Variants in FAAP100 observed in about 807,000 individuals in gnomAD.
The protein encoded by FAAP100 is FA core complex associated protein 100, also known as Fanconi anemia core complex-associated protein 100.
In FAAP100, 46 loss-of-function variants were observed where a neutral mutation model predicts 65.8. That is an observed-to-expected ratio of 0.70 (90% CI 0.55 to 0.89). The LOEUF (loss-of-function observed/expected upper bound fraction) is 0.89, where lower values mean the gene tolerates loss of function less well. Ranked by LOEUF, FAAP100 falls within the 40% of genes least tolerant of loss-of-function variation. The pLI is 0.00. For missense variants in FAAP100, 1,165 were observed against 1,196.7 expected, an observed-to-expected ratio of 0.97 and a Z score of 0.39; for synonymous variants, 663 against 555.1, an observed-to-expected ratio of 1.19 and a Z score of -2.73.
Position 81,540,780 on chromosome 17 carries a change from C to G in FAAP100, c.*39G>C, listed in dbSNP as rs1317739082. 2.7e-6 allele frequency: 4 copies of G among 1,478,844 alleles called. No homozygotes were observed. The Admixed American group carries it at 6.6e-5, about 24-fold the overall frequency. 91.6% of individuals were successfully genotyped at this position (1,478,844 alleles called of 1,614,324 possible). ...AGGCCTGGGGGGGCTGTGACAGAGG[C>G]TGGAAGCGTGGCCAGAGCCCAGGGG... On this transcript the variant is annotated 3_prime_UTR_variant, in exon 9 of 9. Coordinates refer to ENST00000327787, the MANE Select transcript of FAAP100 (RefSeq NM_025161.6).
rs1485365031 is a variant in FAAP100, at chr17:81,549,317, G to T, written c.1292C>A (p.Thr431Asn). 2 of 1,612,496 alleles carry T rather than the reference G, an allele frequency of 1.2e-6. No individual in the cohort carries two copies. Among genetic ancestry groups the T allele is most frequent in the Middle Eastern group, 1.7e-4 (1 of 6,058 alleles). ...LALSAKGRLMTCSLDLDSEMP... is the reference protein window; with the variant it reads ...LALSAKGRLMNCSLDLDSEMP... ...CTCAGAGTCCAGGTCCAGGCTGCAG[G>T]TCATCAGGCGGCCTTTGGCGGACAG... Residue 431 changes from threonine to asparagine, a missense_variant, in exon 4 of 9, where the codon ACC becomes AAC. Coordinates refer to ENST00000327787, the MANE Select transcript of FAAP100 (RefSeq NM_025161.6).
At position 81,547,620 on chromosome 17, in the gene FAAP100, C is replaced by G. The variant is rs754268335; in HGVS notation, c.1462G>C (p.Glu488Gln). 3 of 1,613,172 alleles carry G rather than the reference C, an allele frequency of 1.9e-6. No individual in the cohort carries two copies. The highest frequency in any genetic ancestry group is 8.5e-7 in the Non-Finnish European group (1 of 1,179,750). ...AGTGCACAGCTCACGTTCATGGCCT[C>G]GTTGAGGCTTGTCAGTGCCTTGTTC... ...QRNKALTSLNEAMNVSCALLS... is the reference protein window; with the variant it reads ...QRNKALTSLNQAMNVSCALLS... Residue 488 changes from glutamate to glutamine, a missense_variant, in exon 5 of 9, where the codon GAG becomes CAG. Glu to Gln is a conservative substitution (Grantham distance 29). Transcript: ENST00000327787.
Position 81,546,890 on chromosome 17 carries a change from G to A in FAAP100, c.2173+19C>T, listed in dbSNP as rs558074001. 1.6e-5 allele frequency: 22 copies of A among 1,378,746 alleles called. No individual in the cohort carries two copies. In the East Asian group the frequency reaches 4.7e-4, roughly 30 times the overall value. 85.4% of individuals were successfully genotyped at this position (1,378,746 alleles called of 1,614,324 possible). The stretch of plus-strand genomic sequence containing the variant: ...AAAAAAATCCCCAAGGCTGAGCAAA[G>A]CCAAGCAGTGCCACCAACCTGAGTG... On this transcript the variant is annotated intron_variant, in intron 5 of 8. Coordinates refer to ENST00000327787, the MANE Select transcript of FAAP100 (RefSeq NM_025161.6).
rs1022879642 is a variant in FAAP100, at chr17:81,547,539, T to G, written c.1543A>C (p.Ser515Arg). 3.1e-6 allele frequency: 5 copies of G among 1,613,310 alleles called. No individual in the cohort carries two copies. The highest frequency in any genetic ancestry group is 3.3e-5 in the Admixed American group (2 of 60,000). The change falls in exon 5 of 9, where the codon AGC (serine) becomes CGC (arginine). Residue 515 changes from serine (S) to arginine (R), a missense_variant. Coordinates refer to ENST00000327787, the MANE Select transcript of FAAP100 (RefSeq NM_025161.6). ...AGCACATCCTGTGTCTGCAGGCGGC[T>G]CCAGGTGGTGCTGGTGGTGCAGGAG... ...PISCTTSTTW[S>R]RLQTQDVLMA...
chr17:81,542,257 A>G (rs1331904493), intron 7 of FAAP100, among the ~76,000 whole-genome samples: 1 of 133,216 alleles, frequency 7.5e-6, no homozygotes, highest in Non-Finnish European at 1.6e-5. Flanking sequence ...GCGTGGTGAC[A>G]GAGCCTGTAA....
At position 81,541,331 on chromosome 17, in the gene FAAP100, C is replaced by T. The variant is rs764123117; in HGVS notation, c.2492G>A (p.Arg831His). 6.2e-6 allele frequency: 10 copies of T among 1,611,720 alleles called. No individual in the cohort carries two copies. The highest frequency in any genetic ancestry group is 2.2e-5 in the East Asian group (1 of 44,876). Reference sequence around the variant, plus strand: ...CACCTCGTGGTTGGCGTGGATCTGGCGGAGGTACTGCACACGGAGATCAGG... The same window carrying T: ...CACCTCGTGGTTGGCGTGGATCTGGTGGAGGTACTGCACACGGAGATCAGG... ...SAPDLRVQYL[R>H]QIHANHETLL... The change falls in exon 8 of 9, where the codon CGC (arginine) becomes CAC (histidine). Residue 831 changes from arginine to histidine, a missense_variant. By Grantham distance (29) the Arg-to-His change is conservative. Coordinates refer to ENST00000327787, the MANE Select transcript of FAAP100 (RefSeq NM_025161.6).
chr17:81,547,020 T>G lies in FAAP100; in HGVS notation c.2062A>C (p.Ser688Arg). The G allele has an allele frequency of 6.5e-7, 1 of 1,544,282 alleles. No homozygotes were observed. Among genetic ancestry groups the G allele is most frequent in the Non-Finnish European group, 8.7e-7 (1 of 1,145,894 alleles). ...AGGGAGGCGGGTCCTGCTGGCTGGCTGCCAGGCTCCCGACAAGTTTCCAGA... is the reference window on the plus strand; with the variant it reads ...AGGGAGGCGGGTCCTGCTGGCTGGCGGCCAGGCTCCCGACAAGTTTCCAGA... ...TFLETCREPG[S>R]QPAGPASLRA... The change falls in exon 5 of 9, where the codon AGC becomes CGC. Residue 688 changes from serine to arginine, a missense_variant. Physicochemically the swap from Ser to Arg is moderately radical, Grantham distance 110 (BLOSUM62 -1). Coordinates refer to ENST00000327787, the MANE Select transcript of FAAP100 (RefSeq NM_025161.6).
chr17:81,540,087 A>C lies in FAAP100; in HGVS notation c.*732T>G. 1 of 397,888 alleles carries C rather than the reference A, an allele frequency of 2.5e-6. No homozygotes were observed. The highest frequency in any genetic ancestry group is 3.6e-5 in the East Asian group (1 of 27,998). The allele number at this position is 397,888 out of a possible 1,614,324, so 24.6% of individuals were successfully genotyped here. A position where few individuals can be genotyped will look rare whatever the true frequency, so the allele number is the denominator to read the frequency against. On this transcript the variant is annotated 3_prime_UTR_variant, in exon 9 of 9. Coordinates refer to ENST00000327787, the MANE Select transcript of FAAP100 (RefSeq NM_025161.6). The stretch of plus-strand genomic sequence containing the variant: ...GGGGCTCAGGGCCCCCCCCCGGGCC[A>C]CAGCGCCACCCTGAGTGGCCCTGAA...
chr17:81,552,502 C>A (rs1053117408), upstream of FAAP100: 4 of 530,220 alleles, frequency 7.5e-6, no homozygotes, highest in Admixed American at 9.0e-5. Context: ...CTGGGGCGGT[C>A]GCTGGTACCC....
intron 7 of FAAP100, among the ~76,000 whole-genome samples, chr17:81,542,166 C>CAAAAAAAAAAA (rs1157407171): frequency 1.6e-5 from 1 of 63,760 alleles, no homozygotes; most frequent in Non-Finnish European, 2.5e-5. Flanking sequence ...GACTCCGTCT[C>CAAAAAAAAAAA]AAAAAAAAAA....
upstream of FAAP100, among the ~76,000 whole-genome samples, chr17:81,552,839 C>T (rs1598603197): frequency 4.9e-5 from 7 of 143,616 alleles, no homozygotes; most frequent in South Asian, 1.4e-3. Flanking sequence ...GGGTCTCTGC[C>T]CTGTGCTCTG....
At position 81,550,503 on chromosome 17, in the gene FAAP100, A is replaced by C. The variant is rs533599529; in HGVS notation, c.991T>G (p.Ser331Ala). The change falls in exon 3 of 9, where the codon TCC becomes GCC. Residue 331 changes from serine (S) to alanine (A), a missense_variant. Coordinates refer to ENST00000327787, the MANE Select transcript of FAAP100 (RefSeq NM_025161.6). ...CGCAGCTCGGGCACCAGCTTCCCGG[A>C]CTCATCCCAGCTGGCCTTGATGGCC... ...MLAIKASWDESGKLVPELREY... is the reference protein window; with the variant it reads ...MLAIKASWDEAGKLVPELREY... 15 of 1,612,614 alleles carry C rather than the reference A, an allele frequency of 9.3e-6. No individual in the cohort carries two copies. The East Asian group carries it at 3.3e-4, about 36-fold the overall frequency.
chr17:81,540,983 C>G (rs959432577), intron 8 of FAAP100, 33 bp from the exon 9 acceptor site: 2 of 1,541,898 alleles, frequency 1.3e-6, no homozygotes, highest in Non-Finnish European at 8.7e-7. Flanking sequence ...TCAGGCCCCC[C>G]ACCTGGCCCT....
chr17:81,551,201 G>C lies in FAAP100; in HGVS notation c.293C>G (p.Ser98Cys). 1 of 1,516,108 alleles carries C rather than the reference G, an allele frequency of 6.6e-7. No individual in the cohort carries two copies. The highest frequency in any genetic ancestry group is 8.9e-7 in the Non-Finnish European group (1 of 1,124,884). The allele number at this position is 1,516,108 out of a possible 1,614,324, so 93.9% of individuals were successfully genotyped here. A position where few individuals can be genotyped will look rare whatever the true frequency, so the allele number is the denominator to read the frequency against. ...GCTGTCCCTGTCATCCTGGCTCGTAGACCTTTGAGAACAGGGACGCACTGG... is the reference window on the plus strand; with the variant it reads ...GCTGTCCCTGTCATCCTGGCTCGTACACCTTTGAGAACAGGGACGCACTGG... ...LSLDHPGRSR[S>C]TSQDDRDSED... Residue 98 changes from serine (S) to cysteine (C), a missense_variant and splice_region_variant, in exon 3 of 9, where the codon TCT (serine) becomes TGT (cysteine). Transcript: ENST00000327787.
At position 81,540,751 on chromosome 17, in the gene FAAP100, C is replaced by G; in HGVS notation, c.*68G>C. ...AGGCCAGCTCGGTTTCCCTCTAACC[C>G]ATGAGGCCTGGGGGGGCTGTGACAG... On this transcript the variant is annotated 3_prime_UTR_variant, in exon 9 of 9. Coordinates refer to ENST00000327787, the MANE Select transcript of FAAP100 (RefSeq NM_025161.6). The G allele has an allele frequency of 5.6e-6, 8 of 1,438,362 alleles. No individual in the cohort carries two copies. Among genetic ancestry groups the G allele is most frequent in the Non-Finnish European group, 2.7e-6 (3 of 1,096,094 alleles). The allele number at this position is 1,438,362 out of a possible 1,614,324, so 89.1% of individuals were successfully genotyped here.
At chr17:81,549,582 C>T (rs2033421775) in intron 3 of FAAP100, among the ~76,000 whole-genome samples, 1 of 152,258 alleles carries the variant, frequency 6.6e-6, no homozygotes, top group South Asian at 2.1e-4. Context: ...GTAGCCCTCT[C>T]TTCCGCAGTG....
At chr17:81,551,853 G>A in intron 2 of FAAP100, 75 bp downstream of exon 2, 1 of 1,435,794 alleles carries the variant, frequency 7.0e-7, no homozygotes, top group Non-Finnish European at 9.1e-7. Context: ...AGCGCGATGA[G>A]GTGGGGCTGC....
At chr17:81,548,981 A>G (rs968051936) in intron 4 of FAAP100, among the ~76,000 whole-genome samples, 2 of 135,142 alleles carry the variant, frequency 1.5e-5, no homozygotes, top group African/African-American at 5.5e-5. Context: ...CGGAGCTTGC[A>G]GTGAGCCGAG....
At position 81,547,416 on chromosome 17, in the gene FAAP100, G is replaced by C; in HGVS notation, c.1666C>G (p.Leu556Val). 6.2e-7 allele frequency: 1 copy of C among 1,612,920 alleles called. No homozygotes were observed. The highest frequency in any genetic ancestry group is 8.5e-7 in the Non-Finnish European group (1 of 1,180,024). Reference protein sequence around the residue: ...QVLTSSCALDLDSACSAITYT... With the variant: ...QVLTSSCALDVDSACSAITYT... Reference sequence around the variant, plus strand: ...GTGATGGCGGAGCAGGCCGAGTCCAGGTCGAGAGCACAGGAGCTGGTGAGC... The same window carrying C: ...GTGATGGCGGAGCAGGCCGAGTCCACGTCGAGAGCACAGGAGCTGGTGAGC... The change falls in exon 5 of 9, where the codon CTG (leucine) becomes GTG (valine). Residue 556 changes from leucine to valine, a missense_variant. By Grantham distance (32) the Leu-to-Val change is conservative. Transcript: ENST00000327787.
Sources: allele counts gnomAD v4.1 joint callset (sites outside exome capture counted in the v4.1 genomes callset), GRCh38; gene constraint gnomAD v4.1.1; transcripts MANE v1.5; gene names NCBI Gene and HGNC (gene_info 2026-07-23, HGNC 2026-07-21).